DPYD: variants seen among roughly 807,000 people sequenced by gnomAD.
DPYD encodes the protein dihydropyrimidine dehydrogenase.
DPYD carries 109 observed loss-of-function variants against 116.2 expected under a neutral mutation model. That is an observed-to-expected ratio of 0.94 (90% confidence interval 0.80 to 1.10). The LOEUF (loss-of-function observed/expected upper bound fraction) is 1.10, where lower values mean the gene tolerates loss of function less well. Among genes scored for constraint, DPYD ranks in the 50% least tolerant of loss-of-function variants. The pLI, the probability that DPYD is intolerant of heterozygous loss-of-function variation, is 0.00. For missense variants in DPYD, 1,302 were observed against 1,254.5 expected (o/e 1.04, Z -0.57); for synonymous variants, 440 against 432.0 (o/e 1.02, Z -0.23).
At position 97,910,428 on chromosome 1, in the gene DPYD, T is replaced by C. The variant is rs552704840; in HGVS notation, c.39+10456A>G. Among the ~76,000 whole-genome samples, 10 of 152,214 alleles carry C rather than the reference T, an allele frequency of 6.6e-5. No individual in the cohort carries two copies. In the South Asian group the frequency reaches 2.1e-3, roughly 32 times the overall value. The stretch of plus-strand genomic sequence containing the variant: ...AATAGGTGGTAGCCATTATTAATAA[T>C]TTAATACCTAATATTAATTGCATAC... On this transcript the variant is annotated intron_variant, in intron 1 of 22. Transcript: ENST00000370192.
chr1:97,904,938 TA>T (rs1558044234), intron 1 of DPYD, among the ~76,000 whole-genome samples: 2 of 152,024 alleles, frequency 1.3e-5, no homozygotes, highest in East Asian at 3.9e-4. Context: ...TCTTGAGTAA[TA>T]GCAAGGGCAC....
At chr1:97,469,410 A>AAAAAAAAAAAAG (rs1677511976) in intron 13 of DPYD, among the ~76,000 whole-genome samples, 4 of 96,162 alleles carry the variant, frequency 4.2e-5, no homozygotes, top group Non-Finnish European at 9.8e-5. Context: ...AAAAAAAAAA[A>AAAAAAAAAAAAG]AAAAAAAAAA....
At chr1:97,127,415 A>G (rs900516841) in intron 20 of DPYD, among the ~76,000 whole-genome samples, 1 of 152,132 alleles carries the variant, frequency 6.6e-6, no homozygotes, top group African/African-American at 2.4e-5. Context: ...AGAGTTGTAC[A>G]TCTCTCATTG....
chr1:97,485,480 G>C (rs1678578857), intron 13 of DPYD, among the ~76,000 whole-genome samples: 1 of 152,100 alleles, frequency 6.6e-6, no homozygotes, highest in Non-Finnish European at 1.5e-5. Flanking sequence ...GGGATTACAG[G>C]TGTGAGCCAC....
chr1:97,222,751 T>G (rs1450234342), intron 19 of DPYD, among the ~76,000 whole-genome samples: 2 of 152,076 alleles, frequency 1.3e-5, no homozygotes, highest in Non-Finnish European at 2.9e-5. Flanking sequence ...TTCTTAAAGT[T>G]GTAAGTGAAA....
At chr1:97,683,653 A>T (rs994667337) in intron 7 of DPYD, among the ~76,000 whole-genome samples, 5 of 152,104 alleles carry the variant, frequency 3.3e-5, no homozygotes, top group African/African-American at 1.2e-4. Context: ...AAAAAGGTAT[A>T]AATAAACATC....
Position 97,430,292 on chromosome 1 carries a change from T to C in DPYD, c.1905+19767A>G, listed in dbSNP as rs548012628. ...CCCTTGGAGAATTCTAGTGTGTGAC[T>C]TGAAATATACTTAGTAATCCAGTCA... On this transcript the variant is annotated intron_variant, in intron 14 of 22. Transcript: ENST00000370192. Among the ~76,000 whole-genome samples the C allele has an allele frequency of 5.9e-5, 9 of 152,300 alleles. No homozygotes were observed. The South Asian group carries it at 1.9e-3, about 32-fold the overall frequency.
At chr1:97,751,473 T>TATATATATAC (rs1360927937) in intron 3 of DPYD, among the ~76,000 whole-genome samples, 1 of 115,566 alleles carries the variant, frequency 8.7e-6, no homozygotes, top group African/African-American at 3.5e-5. Flanking sequence ...TATATATATA[T>TATATATATAC]ATATATATAT....
intron 14 of DPYD, among the ~76,000 whole-genome samples, chr1:97,445,496 T>C (rs1676024491): frequency 6.6e-6 from 1 of 152,132 alleles, no homozygotes. Flanking sequence ...ATTCATAGCT[T>C]CTCCCATAAC....
At chr1:97,830,869 A>G (rs11802430) in intron 2 of DPYD, among the ~76,000 whole-genome samples, 3,232 of 152,266 alleles carry the variant, frequency 0.021, 119 homozygotes, top group African/African-American at 0.075. Context: ...TACCTTCACT[A>G]TAATGAGTAG....
chr1:97,370,763 A>T (rs1671274421), intron 16 of DPYD, among the ~76,000 whole-genome samples: 2 of 152,184 alleles, frequency 1.3e-5, no homozygotes. Flanking sequence ...CATATTTTAG[A>T]GATGGACACT....
intron 3 of DPYD, among the ~76,000 whole-genome samples, chr1:97,778,092 A>G (rs1202337533): frequency 6.9e-6 from 1 of 145,120 alleles, no homozygotes; most frequent in Non-Finnish European, 1.5e-5. Context: ...CATGAGACGG[A>G]GATTGCAGTG....
At chr1:97,574,048 A>T in intron 10 of DPYD, 78 bp from the exon 11 acceptor site, 2 of 1,568,490 alleles carry the variant, frequency 1.3e-6, no homozygotes, top group Non-Finnish European at 1.7e-6. Flanking sequence ...ATTGAATTAC[A>T]CATGCTAAAG....
intron 1 of DPYD, among the ~76,000 whole-genome samples, chr1:97,897,446 A>G (rs1673136717): frequency 6.6e-6 from 1 of 151,628 alleles, no homozygotes; most frequent in African/African-American, 2.4e-5. Context: ...TTTTACAAAT[A>G]TTTTCTTCTT....
chr1:97,684,350 T>C (rs1371401098), intron 7 of DPYD, among the ~76,000 whole-genome samples: 4 of 152,144 alleles, frequency 2.6e-5, no homozygotes, highest in Non-Finnish European at 5.9e-5. Context: ...CTGAGTGAGT[T>C]TCTTAATCTT....
At chr1:97,643,177 T>A (rs976866341) in intron 8 of DPYD, among the ~76,000 whole-genome samples, 1 of 152,092 alleles carries the variant, frequency 6.6e-6, no homozygotes, top group Admixed American at 6.6e-5. Flanking sequence ...TTTTTTGTAA[T>A]CTATCCATCT....
At chr1:97,764,797 C>A (rs1436109712) in intron 3 of DPYD, among the ~76,000 whole-genome samples, 1 of 152,050 alleles carries the variant, frequency 6.6e-6, no homozygotes, top group Non-Finnish European at 1.5e-5. Context: ...TCCCTGTAGA[C>A]TGAAAATTAT....
intron 5 of DPYD, among the ~76,000 whole-genome samples, chr1:97,709,603 G>C (rs929104847): frequency 1.3e-5 from 2 of 151,704 alleles, no homozygotes; most frequent in African/African-American, 4.8e-5. Flanking sequence ...TGAAGAAAGG[G>C]AGAGATTATA....
chr1:97,695,161 T>G (rs11165903), intron 6 of DPYD, among the ~76,000 whole-genome samples: 1,724 of 152,242 alleles, frequency 0.011, 36 homozygotes, highest in African/African-American at 0.039. Context: ...TGAAGCAATA[T>G]TAATTACTTC....
Sources: allele counts gnomAD v4.1 joint callset (sites outside exome capture counted in the v4.1 genomes callset), GRCh38; gene constraint gnomAD v4.1.1; transcripts MANE v1.5; gene names NCBI Gene and HGNC (gene_info 2026-07-23, HGNC 2026-07-21).